PIEZO1: variants seen among roughly 807,000 people sequenced by gnomAD.
PIEZO1 encodes piezo-type mechanosensitive ion channel component 1.
A neutral mutation model predicts 297.2 loss-of-function variants in PIEZO1; 296 were observed. The ratio of observed to expected loss-of-function variants is 1.00; its 90% CI spans 0.91 to 1.10. The LOEUF (loss-of-function observed/expected upper bound fraction) is 1.10. PIEZO1 is among the 50% of genes least tolerant of loss of function. The pLI is 0.00. For synonymous variants in PIEZO1, 2,427 were observed against 1,507.5 expected, an observed-to-expected ratio of 1.61 and a Z score of -14.13; for missense variants, 5,018 against 3,455.5, an observed-to-expected ratio of 1.45 and a Z score of -11.34.
chr16:88,762,905 C>T (rs969735994), intron 1 of PIEZO1, among the ~76,000 whole-genome samples: 1 of 152,234 alleles, frequency 6.6e-6, no homozygotes, highest in Non-Finnish European at 1.5e-5. Context: ...CTGAGACCCC[C>T]AGTCCCCAAT....
At chr16:88,743,355 A>C (rs1905822765) in intron 2 of PIEZO1, 1 of 450,560 alleles carries the variant, frequency 2.2e-6, no homozygotes, top group South Asian at 1.6e-5. Context: ...TTCCCTTTCC[A>C]CCCCGGCACG....
At chr16:88,760,216 T>G (rs1906867480) in intron 1 of PIEZO1, among the ~76,000 whole-genome samples, 1 of 152,086 alleles carries the variant, frequency 6.6e-6, no homozygotes, top group Non-Finnish European at 1.5e-5. Context: ...AGCCACGGGC[T>G]CCGCTCCCCC....
At chr16:88,729,605 C>G (rs1189099375) in intron 22 of PIEZO1, among the ~76,000 whole-genome samples, 16 of 145,114 alleles carry the variant, frequency 1.1e-4, no homozygotes, top group Non-Finnish European at 4.5e-5. Context: ...CTGGGGAACC[C>G]AGGACATTCT....
At position 88,720,071 on chromosome 16, in the gene PIEZO1, C is replaced by T. The variant is rs1597443387; in HGVS notation, c.6162G>A (p.Glu2054=). 1.3e-6 allele frequency: 2 copies of T among 1,550,272 alleles called. No individual in the cohort carries two copies. The highest frequency in any genetic ancestry group is 1.7e-6 in the Non-Finnish European group (2 of 1,146,888). ...AGCGCCCCCACGCGTGGGCCCACCT[C>T]TCAGTGACGGCGGGCAGGATGAAGA... ...WMFFILPAVT[E]RMFNQNVVAQ... is the part of the protein sequence containing the mutation. Residue 2054 remains glutamate, a splice_region_variant and synonymous_variant, in exon 42 of 51, where the codon GAG becomes GAA. Coordinates refer to ENST00000301015, the MANE Select transcript of PIEZO1 (RefSeq NM_001142864.4).
chr16:88,741,663 T>C lies in PIEZO1; in HGVS notation c.327-47A>G, dbSNP rs559513141. On this transcript the variant is annotated intron_variant, in intron 4 of 50. Coordinates refer to ENST00000301015, the MANE Select transcript of PIEZO1 (RefSeq NM_001142864.4). ...CGCGGTCAGACCAAGAGGACAGGTG[T>C]GGGTGTGAGTGTGGATGGGTCTCCA... 2.2e-4 allele frequency: 339 copies of C among 1,508,854 alleles called. 1 individual carries two copies. The highest frequency in any genetic ancestry group is 1.7e-3 in the South Asian group (138 of 81,964). 93.5% of individuals were successfully genotyped at this position (1,508,854 alleles called of 1,614,324 possible).
intron 32 of PIEZO1, 30 bp downstream of exon 32, chr16:88,723,196 C>A (rs1488385418): frequency 1.9e-6 from 3 of 1,549,066 alleles, no homozygotes; most frequent in South Asian, 2.4e-5. Flanking sequence ...CCGCGGCTTC[C>A]CCTCAGAGTC....
At chr16:88,783,758 G>T (rs1161750852) in intron 1 of PIEZO1, among the ~76,000 whole-genome samples, 1 of 152,216 alleles carries the variant, frequency 6.6e-6, no homozygotes, top group Non-Finnish European at 1.5e-5. Context: ...ATTGATTCCT[G>T]TCTAGAAAAT....
intron 13 of PIEZO1, 39 bp from the exon 14 acceptor site, chr16:88,735,092 G>A (rs12926159): frequency 0.017 from 25,971 of 1,549,746 alleles, 273 homozygotes; most frequent in Middle Eastern, 0.04. Flanking sequence ...GCATCAGGGC[G>A]GGCAGGCAGG....
chr16:88,733,878 G>A, intron 17 of PIEZO1, 28 bp downstream of exon 17: 1 of 1,473,350 alleles, frequency 6.8e-7, no homozygotes, highest in Non-Finnish European at 9.0e-7. Flanking sequence ...AGACTGGGTG[G>A]CAGCTGTGCT....
At chr16:88,737,055 C>T in intron 10 of PIEZO1, 1 of 286,290 alleles carries the variant, frequency 3.5e-6, no homozygotes. Flanking sequence ...GCTTCATTTG[C>T]TTCATTCAGA....
intron 17 of PIEZO1, 46 bp from the exon 18 acceptor site, chr16:88,733,791 G>A (rs1378693663): frequency 1.1e-5 from 17 of 1,483,700 alleles, no homozygotes; most frequent in South Asian, 5.3e-5. Flanking sequence ...GGGGATTCCC[G>A]GGTCCCCTGT....
intron 1 of PIEZO1, among the ~76,000 whole-genome samples, chr16:88,760,818 G>A (rs1268795345): frequency 6.6e-6 from 1 of 152,266 alleles, no homozygotes; most frequent in African/African-American, 2.4e-5. Flanking sequence ...TTGGAGCCCG[G>A]CCAGCAGCCT....
chr16:88,725,795 A>C, intron 27 of PIEZO1, 111 bp from the exon 28 acceptor site: 1 of 665,786 alleles, frequency 1.5e-6, no homozygotes, highest in Non-Finnish European at 2.7e-6. Context: ...CTCTCTGCCC[A>C]CGCTGGACAA....
chr16:88,762,506 G>T (rs570642400), intron 1 of PIEZO1, among the ~76,000 whole-genome samples: 1 of 152,260 alleles, frequency 6.6e-6, no homozygotes, highest in South Asian at 2.1e-4. Context: ...GAGAGGATGT[G>T]TCTGGGGAGG....
rs1912119898 is a variant in PIEZO1, at chr16:88,717,295, C to T, written c.6472-84G>A. On this transcript the variant is annotated intron_variant, in intron 44 of 50. Transcript: ENST00000301015. Reference sequence around the variant, plus strand: ...CCGCATTCTCCAGCTCACCCAGCAGCCCAGAAAAGCCCCAGCCTGACCTCA... The same window carrying T: ...CCGCATTCTCCAGCTCACCCAGCAGTCCAGAAAAGCCCCAGCCTGACCTCA... 3 of 1,255,870 alleles carry T rather than the reference C, an allele frequency of 2.4e-6. No homozygotes were observed. In the Admixed American group the frequency reaches 5.9e-5, roughly 25 times the overall value. 77.8% of individuals were successfully genotyped at this position (1,255,870 alleles called of 1,614,324 possible). A position where few individuals can be genotyped will look rare whatever the true frequency, so the allele number is the denominator to read the frequency against.
intron 2 of PIEZO1, among the ~76,000 whole-genome samples, chr16:88,748,652 C>T (rs1906198611): frequency 6.6e-6 from 1 of 152,200 alleles, no homozygotes; most frequent in Non-Finnish European, 1.5e-5. Context: ...GGCCCATCCA[C>T]TCCCTGTGGC....
At chr16:88,783,175 C>A (rs749088616) in intron 1 of PIEZO1, among the ~76,000 whole-genome samples, 7 of 152,170 alleles carry the variant, frequency 4.6e-5, no homozygotes, top group Admixed American at 1.3e-4. Flanking sequence ...GTGATCCCTC[C>A]CCCAGATCCC....
At position 88,717,163 on chromosome 16, in the gene PIEZO1, C is replaced by T. The variant is rs868075241; in HGVS notation, c.6520G>A (p.Gly2174Ser). ...AAGAGGATGATGAGGCCACCCATGCCGTACTTGACGATCTTCTTCTTCTTC... is the reference window on the plus strand; with the variant it reads ...AAGAGGATGATGAGGCCACCCATGCTGTACTTGACGATCTTCTTCTTCTTC... ...GQKKKKIVKY[G>S]MGGLIILFLI... The change falls in exon 45 of 51, where the codon GGC (glycine) becomes AGC (serine). Residue 2174 changes from glycine to serine, a missense_variant. By Grantham distance (56) the Gly-to-Ser change is moderately conservative (BLOSUM62 0). Coordinates refer to ENST00000301015, the MANE Select transcript of PIEZO1 (RefSeq NM_001142864.4). 19 of 1,550,800 alleles carry T rather than the reference C, an allele frequency of 1.2e-5. No individual in the cohort carries two copies. The highest frequency in any genetic ancestry group is 1.4e-5 in the African/African-American group (1 of 73,062).
At chr16:88,727,242 T>C in intron 23 of PIEZO1, 50 bp from the exon 24 acceptor site, 4 of 1,477,718 alleles carry the variant, frequency 2.7e-6, no homozygotes, top group Non-Finnish European at 3.6e-6. Flanking sequence ...CCACACGAGG[T>C]GGGCACGGCG....
Sources: gnomAD v4.1 joint callset for allele counts (sites outside exome capture counted in the v4.1 genomes callset) on GRCh38, gnomAD v4.1.1 for gene constraint, MANE v1.5 for transcripts, NCBI Gene and HGNC (gene_info 2026-07-23, HGNC 2026-07-21) for gene names.